The following STPG2 variants were observed in gnomAD, a reference collection of about 807,000 sequenced individuals.
STPG2 encodes the protein sperm-tail PG-rich repeat-containing protein 2.
Under a neutral mutation model 54.2 loss-of-function variants are expected in STPG2, and 56 were observed. The ratio of observed to expected loss-of-function variants is 1.03; its 90% CI spans 0.83 to 1.29. STPG2 has a LOEUF of 1.29. Ranked by LOEUF, STPG2 falls within the 50% of genes most tolerant of loss-of-function variation. The pLI is 0.00. For synonymous variants in STPG2, 200 were observed against 181.8 expected (o/e 1.10, Z -0.81); for missense variants, 596 against 544.9 (o/e 1.09, Z -0.93).
At chr4:97,454,245 G>A (rs1729452109) in intron 4 of STPG2, among the ~76,000 whole-genome samples, 1 of 151,984 alleles carries the variant, frequency 6.6e-6, no homozygotes, top group Non-Finnish European at 1.5e-5. Context: ...CGGGCACGGT[G>A]GCTAACGCCT....
chr4:97,949,319 A>C (rs918745600), intron 7 of STPG2, among the ~76,000 whole-genome samples: 1 of 152,102 alleles, frequency 6.6e-6, no homozygotes, highest in Non-Finnish European at 1.5e-5. Context: ...CCTCAATGTT[A>C]GGTGAGTCTC....
intron 9 of STPG2, among the ~76,000 whole-genome samples, chr4:97,779,957 G>C (rs1726548027): frequency 6.6e-6 from 1 of 151,590 alleles, no homozygotes; most frequent in African/African-American, 2.4e-5. Context: ...GGAACAACCG[G>C]TACCAGCCAC....
chr4:97,598,191 T>C (rs1342647498), intron 10 of STPG2, among the ~76,000 whole-genome samples: 1 of 151,640 alleles, frequency 6.6e-6, no homozygotes, highest in Admixed American at 6.6e-5. Context: ...GAAGGTGAAA[T>C]ATCTCTACAG....
intron 10 of STPG2, among the ~76,000 whole-genome samples, chr4:97,662,596 A>AC (rs759647776): frequency 2.3e-4 from 35 of 152,214 alleles, no homozygotes; most frequent in African/African-American, 8.2e-4. Context: ...AATAGCAAAG[A>AC]CATGGAATCA....
At chr4:98,091,301 C>G (rs1359092390) in intron 5 of STPG2, among the ~76,000 whole-genome samples, 1 of 151,998 alleles carries the variant, frequency 6.6e-6, no homozygotes, top group African/African-American at 2.4e-5. Context: ...CCTGTTCTAA[C>G]TTTCTGAGAT....
chr4:97,697,439 T>C (rs962528094), intron 10 of STPG2, among the ~76,000 whole-genome samples: 1 of 152,176 alleles, frequency 6.6e-6, no homozygotes, highest in Non-Finnish European at 1.5e-5. Flanking sequence ...TAGTAACCCA[T>C]TACAATGGAT....
intron 5 of STPG2, among the ~76,000 whole-genome samples, chr4:98,099,969 T>C (rs1397524081): frequency 6.6e-6 from 1 of 152,110 alleles, no homozygotes. Flanking sequence ...GATATGATTA[T>C]TACACATTGC....
intron 4 of STPG2, among the ~76,000 whole-genome samples, chr4:97,449,177 G>A (rs1729303253): frequency 1.3e-5 from 2 of 152,014 alleles, no homozygotes; most frequent in South Asian, 2.1e-4. Flanking sequence ...AAAAACCTTT[G>A]ATGAAATCTA....
intron 10 of STPG2, among the ~76,000 whole-genome samples, chr4:97,681,898 G>T (rs543201402): frequency 6.6e-6 from 1 of 151,816 alleles, no homozygotes; most frequent in South Asian, 2.1e-4. Flanking sequence ...TGCGGTGTTA[G>T]TTCTGCTGAT....
chr4:97,488,518 C>CA (rs1416606983), intron 4 of STPG2, among the ~76,000 whole-genome samples: 2 of 151,600 alleles, frequency 1.3e-5, no homozygotes, highest in East Asian at 3.9e-4. Context: ...AACAAATAGA[C>CA]AAAATAGAAA....
chr4:97,906,994 A>G (rs1383310393), intron 8 of STPG2, among the ~76,000 whole-genome samples: 1 of 150,088 alleles, frequency 6.7e-6, no homozygotes, highest in Non-Finnish European at 1.5e-5. Context: ...CCTATTCAAC[A>G]TAGTGTTGGA....
intron 10 of STPG2, among the ~76,000 whole-genome samples, chr4:97,605,878 A>C (rs2148910481): frequency 6.6e-6 from 1 of 151,872 alleles, no homozygotes; most frequent in East Asian, 1.9e-4. Flanking sequence ...CCTCAGTCTC[A>C]TCTCAAAACG....
At chr4:97,623,852 T>A (rs1050797945) in intron 10 of STPG2, among the ~76,000 whole-genome samples, 1 of 152,144 alleles carries the variant, frequency 6.6e-6, no homozygotes, top group South Asian at 2.1e-4. Context: ...TTTTTCCTCA[T>A]TGTTTGGCTC....
At chr4:98,024,840 C>T (rs1014779668) in intron 5 of STPG2, among the ~76,000 whole-genome samples, 1 of 152,126 alleles carries the variant, frequency 6.6e-6, no homozygotes, top group Non-Finnish European at 1.5e-5. Flanking sequence ...TATCAACAAA[C>T]CCAATACTGT....
At chr4:97,635,079 G>A (rs1307708581) in intron 10 of STPG2, among the ~76,000 whole-genome samples, 2 of 151,896 alleles carry the variant, frequency 1.3e-5, no homozygotes, top group Admixed American at 1.3e-4. Context: ...AATGTTAAGG[G>A]CAGCCAGAGA....
At chr4:97,696,912 A>G (rs1390823088) in intron 10 of STPG2, among the ~76,000 whole-genome samples, 1 of 152,210 alleles carries the variant, frequency 6.6e-6, no homozygotes, top group African/African-American at 2.4e-5. Flanking sequence ...ACCCTCAAAA[A>G]ACTATTTGTA....
intron 10 of STPG2, among the ~76,000 whole-genome samples, chr4:97,594,999 G>T (rs1371775260): frequency 6.6e-6 from 1 of 152,166 alleles, no homozygotes; most frequent in Non-Finnish European, 1.5e-5. Flanking sequence ...TACACTGTTG[G>T]TGGGACTGTA....
At chr4:97,953,761 C>G (rs1321792906) in intron 7 of STPG2, among the ~76,000 whole-genome samples, 1 of 152,228 alleles carries the variant, frequency 6.6e-6, no homozygotes. Context: ...CTGCCTTTCA[C>G]ACTCTGAGGA....
At chr4:98,045,350 A>C (rs1336477624) in intron 5 of STPG2, among the ~76,000 whole-genome samples, 2 of 152,138 alleles carry the variant, frequency 1.3e-5, no homozygotes, top group African/African-American at 4.8e-5. Context: ...TTTCCCTCTA[A>C]GACAAACACC....
Sources: gnomAD v4.1 joint callset for allele counts (sites outside exome capture counted in the v4.1 genomes callset) on GRCh38, gnomAD v4.1.1 for gene constraint, MANE v1.5 for transcripts, NCBI Gene and HGNC (gene_info 2026-07-23, HGNC 2026-07-21) for gene names.